Variants in TRDMT1 observed in about 807,000 individuals in gnomAD.
TRDMT1 encodes tRNA aspartic acid methyltransferase 1.
A neutral mutation model predicts 51.2 loss-of-function variants in TRDMT1; 49 were observed. The observed-to-expected ratio is 0.96, with a 90% CI of 0.76 to 1.21. The LOEUF is 1.21. Ranked by LOEUF, TRDMT1 falls within the 50% of genes most tolerant of loss-of-function variation. The pLI is 0.00. For synonymous variants in TRDMT1, 187 were observed against 164.6 expected, an observed-to-expected ratio of 1.14 and a Z score of -1.04; for missense variants, 534 against 462.3, an observed-to-expected ratio of 1.16 and a Z score of -1.42.
intron 1 of TRDMT1, among the ~76,000 whole-genome samples, chr10:17,186,945 C>A (rs1030926872): frequency 1.3e-5 from 2 of 152,282 alleles, no homozygotes; most frequent in South Asian, 4.1e-4. Context: ...TGTTCATGGT[C>A]ACATTAGAAT....
intron 2 of TRDMT1, chr10:17,169,521 G>A (rs1045278568): frequency 2.4e-5 from 31 of 1,289,804 alleles, no homozygotes; most frequent in Non-Finnish European, 3.0e-5. Flanking sequence ...GCTGAAAACT[G>A]TGCTGTGTTG....
rs1839958007 is a variant in TRDMT1 at position 17,159,164 on chromosome 10, G to C, written c.525C>G (p.Pro175=). 1 of 1,598,048 alleles carries C rather than the reference G, an allele frequency of 6.3e-7. No homozygotes were observed. The highest frequency in any genetic ancestry group is 8.5e-7 in the Non-Finnish European group (1 of 1,172,464). The change falls in exon 7 of 11, where the codon CCC becomes CCG. Residue 175 remains proline, a synonymous_variant. Transcript: ENST00000377799. ...ATAATACCTGACCAGGGGCTTGAAA[G>C]GGTAATGGCTCTGACTGAAGCTTTG... ...LIAKLQSEPL[P]FQAPGQVLME... is the part of the protein sequence containing the mutation.
intron 2 of TRDMT1, among the ~76,000 whole-genome samples, chr10:17,173,105 T>C (rs955302055): frequency 6.6e-6 from 1 of 152,106 alleles, no homozygotes; most frequent in African/African-American, 2.4e-5. Flanking sequence ...CAAATAAAAA[T>C]AGTGACAATG....
At chr10:17,191,670 C>A (rs1040656114) in intron 1 of TRDMT1, among the ~76,000 whole-genome samples, 3 of 152,104 alleles carry the variant, frequency 2.0e-5, no homozygotes, top group African/African-American at 7.2e-5. Context: ...AGTAGAGACG[C>A]TACTGGGTCT....
chr10:17,169,587 C>T (rs1244384473), intron 2 of TRDMT1: 1 of 1,224,560 alleles, frequency 8.2e-7, no homozygotes, highest in South Asian at 1.3e-5. Flanking sequence ...AGGGGTTTGC[C>T]AACTCACATT....
intron 1 of TRDMT1, among the ~76,000 whole-genome samples, chr10:17,198,817 C>A (rs540654689): frequency 6.6e-6 from 1 of 152,144 alleles, no homozygotes; most frequent in African/African-American, 2.4e-5. Context: ...TGTTTTACCA[C>A]AATAAAAAAA....
intron 1 of TRDMT1, among the ~76,000 whole-genome samples, chr10:17,197,524 A>G (rs1588698350): frequency 6.6e-6 from 1 of 152,254 alleles, no homozygotes; most frequent in African/African-American, 2.4e-5. Flanking sequence ...AGGCAAATCT[A>G]TCATGTTGCT....
At position 17,149,087 on chromosome 10, in the gene TRDMT1, G is replaced by T; in HGVS notation, c.1129C>A (p.Leu377Ile). 6.2e-7 allele frequency: 1 copy of T among 1,611,696 alleles called. No homozygotes were observed. The highest frequency in any genetic ancestry group is 1.7e-5 in the Admixed American group (1 of 59,844). The stretch of plus-strand genomic sequence containing the variant: ...AGTTTAGCTACTACATGCACGTTGA[G>T]ACTATTTCCAAGTAGGCGATAACGC... ...KQRYRLLGNSLNVHVVAKLIK... is the reference protein window; with the variant it reads ...KQRYRLLGNSINVHVVAKLIK... Residue 377 changes from leucine (L) to isoleucine (I), a missense_variant, in exon 11 of 11, where the codon CTC becomes ATC. Physicochemically the swap from Leu to Ile is conservative, Grantham distance 5 (BLOSUM62 2). Coordinates refer to ENST00000377799, the MANE Select transcript of TRDMT1 (RefSeq NM_004412.7).
chr10:17,195,176 A>G (rs1364734565), intron 1 of TRDMT1, among the ~76,000 whole-genome samples: 1 of 152,234 alleles, frequency 6.6e-6, no homozygotes, highest in African/African-American at 2.4e-5. Flanking sequence ...TTGCATGTTC[A>G]TCACAGCACT....
intron 10 of TRDMT1, chr10:17,152,119 A>AAG: frequency 7.8e-7 from 1 of 1,288,426 alleles, no homozygotes. Context: ...GGAAAAAAAA[A>AAG]TAGTAGCTAG....
At chr10:17,174,474 G>A (rs966775302) in intron 2 of TRDMT1, 77 bp downstream of exon 2, 8 of 958,416 alleles carry the variant, frequency 8.3e-6, no homozygotes, top group Middle Eastern at 2.1e-4. Context: ...TTAAGACAAC[G>A]GAAACCAGTA....
chr10:17,170,696 A>T (rs983468366), intron 2 of TRDMT1, among the ~76,000 whole-genome samples: 1 of 152,228 alleles, frequency 6.6e-6, no homozygotes, highest in African/African-American at 2.4e-5. Context: ...CCAAGACCAC[A>T]GTACGCTTTC....
At position 17,184,473 on chromosome 10, in the gene TRDMT1, A is replaced by T. The variant is rs146710103; in HGVS notation, c.65-9813T>A. Among the ~76,000 whole-genome samples the T allele has an allele frequency of 1.6e-3, 238 of 151,628 alleles. 1 individual carries two copies. The highest frequency in any genetic ancestry group is 5.6e-3 in the African/African-American group (234 of 41,454). Reference sequence around the variant, plus strand: ...TATATATAATAATTAACTCACAAAGATCCCTAAAATTAGCCTAAGAAAATC... The same window carrying T: ...TATATATAATAATTAACTCACAAAGTTCCCTAAAATTAGCCTAAGAAAATC... On this transcript the variant is annotated intron_variant, in intron 1 of 10. Coordinates refer to ENST00000377799, the MANE Select transcript of TRDMT1 (RefSeq NM_004412.7).
intron 1 of TRDMT1, chr10:17,200,576 G>A (rs1424559745): frequency 1.2e-5 from 2 of 167,070 alleles, no homozygotes; most frequent in Non-Finnish European, 1.5e-5. Context: ...TCAGTTCGGT[G>A]GTTGTCTTAG....
intron 10 of TRDMT1, chr10:17,151,628 G>T (rs1252851519): frequency 1.0e-6 from 1 of 980,290 alleles, no homozygotes; most frequent in Non-Finnish European, 1.2e-6. Context: ...TTCAAAGGCT[G>T]TTTTTCTAAG....
In TRDMT1 at chr10:17,160,365, C is replaced by G; in HGVS notation, c.399G>C (p.Leu133Phe). The change falls in exon 6 of 11, where the codon TTG becomes TTC. Residue 133 changes from leucine (L) to phenylalanine (F), a missense_variant. By Grantham distance (22) the Leu-to-Phe change is conservative. Transcript: ENST00000377799. Reference protein sequence around the residue: ...GFEVSSTRDLLIQTIENCGFQ... With the variant: ...GFEVSSTRDLFIQTIENCGFQ... ...AGCCACAATTTTCTATTGTTTGTATCAAGAGGTCTCTAAAAAGAAAAAAAA... is the reference window on the plus strand; with the variant it reads ...AGCCACAATTTTCTATTGTTTGTATGAAGAGGTCTCTAAAAAGAAAAAAAA... 6.5e-7 allele frequency: 1 copy of G among 1,530,416 alleles called. No homozygotes were observed. The highest frequency in any genetic ancestry group is 8.8e-7 in the Non-Finnish European group (1 of 1,135,922). 94.8% of individuals were successfully genotyped at this position (1,530,416 alleles called of 1,614,324 possible). A position where few individuals can be genotyped will look rare whatever the true frequency, so the allele number is the denominator to read the frequency against.
Position 17,153,524 on chromosome 10 carries a change from C to G in TRDMT1, c.1058G>C (p.Gly353Ala). 1 of 1,613,972 alleles carries G rather than the reference C, an allele frequency of 6.2e-7. No homozygotes were observed. Among genetic ancestry groups the G allele is most frequent in the South Asian group, 1.1e-5 (1 of 91,044 alleles). The change falls in exon 10 of 11, where the codon GGA becomes GCA. Residue 353 changes from glycine (G) to alanine (A), a missense_variant. By Grantham distance (60) the Gly-to-Ala change is moderately conservative. Transcript: ENST00000377799. ...FTPKEIANLLGFPPEFGFPEK... is the reference protein window; with the variant it reads ...FTPKEIANLLAFPPEFGFPEK... The stretch of plus-strand genomic sequence containing the variant: ...CCACATACCGAACTCTGGAGGAAAT[C>G]CAAGGAGATTTGCTATTTCTTTAGG...
intron 1 of TRDMT1, among the ~76,000 whole-genome samples, chr10:17,190,113 T>C (rs910140018): frequency 1.3e-5 from 2 of 152,188 alleles, no homozygotes; most frequent in Non-Finnish European, 2.9e-5. Flanking sequence ...GTAACGGTAA[T>C]TTTTAAAATT....
At chr10:17,197,924 C>T (rs1845666735) in intron 1 of TRDMT1, among the ~76,000 whole-genome samples, 1 of 152,034 alleles carries the variant, frequency 6.6e-6, no homozygotes, top group Non-Finnish European at 1.5e-5. Context: ...ATCCCAGCTG[C>T]TCGGGAGGCT....
Sources: gnomAD v4.1 joint callset for allele counts (sites outside exome capture counted in the v4.1 genomes callset) on GRCh38, gnomAD v4.1.1 for gene constraint, MANE v1.5 for transcripts, NCBI Gene and HGNC (gene_info 2026-07-23, HGNC 2026-07-21) for gene names.